The following NEGR1 variants were observed in gnomAD, a reference collection of about 807,000 sequenced individuals.
The protein encoded by NEGR1 is IgLON family member 4.
A neutral mutation model predicts 40.9 loss-of-function variants in NEGR1; 10 were observed. That is an observed-to-expected ratio of 0.24 (90% CI 0.15 to 0.42). NEGR1 has a LOEUF of 0.42. Among genes scored for constraint, NEGR1 ranks in the 10% least tolerant of loss-of-function variants. NEGR1 has a pLI of 1.00. For synonymous variants in NEGR1, 185 were observed against 166.8 expected (o/e 1.11, Z -0.84); for missense variants, 352 against 438.9 (o/e 0.80, Z 1.77).
intron 3 of NEGR1, among the ~76,000 whole-genome samples, chr1:71,709,367 A>C (rs562216535): frequency 6.5e-4 from 99 of 152,274 alleles, no homozygotes; most frequent in African/African-American, 2.4e-3. Flanking sequence ...GTATCAACTC[A>C]TTGTGTTTCT....
chr1:72,143,914 A>AT (rs1491498187), intron 1 of NEGR1, among the ~76,000 whole-genome samples: 27 of 130,606 alleles, frequency 2.1e-4, no homozygotes, highest in African/African-American at 7.4e-4. Context: ...TGATATATAT[A>AT]ATATATATAT....
intron 6 of NEGR1, among the ~76,000 whole-genome samples, chr1:71,445,424 A>C (rs1389394604): frequency 1.3e-5 from 2 of 152,082 alleles, no homozygotes; most frequent in Non-Finnish European, 1.5e-5. Flanking sequence ...ATTAAAAAAA[A>C]AAAACTCCAA....
Position 71,811,838 on chromosome 1 carries a change from C to T in NEGR1, c.410-35541G>A, listed in dbSNP as rs150366057. 6.2e-4 allele frequency among the ~76,000 whole-genome samples: 92 copies of T among 147,354 alleles called. 1 individual carries two copies. In the East Asian group the frequency reaches 0.015, roughly 24 times the overall value. On this transcript the variant is annotated intron_variant, in intron 2 of 6. Coordinates refer to ENST00000357731, the MANE Select transcript of NEGR1 (RefSeq NM_173808.3). ...GGATTCAAACCCAGGTCTTTTGACTCAATATCCAAAGTTCTATTTATTTAT... is the reference window on the plus strand; with the variant it reads ...GGATTCAAACCCAGGTCTTTTGACTTAATATCCAAAGTTCTATTTATTTAT...
intron 2 of NEGR1, among the ~76,000 whole-genome samples, chr1:71,921,761 T>C (rs1645723008): frequency 6.8e-6 from 1 of 148,088 alleles, no homozygotes; most frequent in Admixed American, 6.8e-5. Context: ...TTCATACATA[T>C]ACATACATAT....
At chr1:71,815,715 C>T (rs1658180266) in intron 2 of NEGR1, among the ~76,000 whole-genome samples, 3 of 152,070 alleles carry the variant, frequency 2.0e-5, no homozygotes, top group Admixed American at 2.0e-4. Flanking sequence ...TATTCTAAGT[C>T]CTAAGATTCT....
chr1:71,769,084 T>TA (rs397696023), intron 3 of NEGR1, among the ~76,000 whole-genome samples: 1 of 151,834 alleles, frequency 6.6e-6, no homozygotes, highest in Non-Finnish European at 1.5e-5. Context: ...TTTTTTTTTT[T>TA]ACAAATTACC....
At chr1:72,093,329 CAA>C (rs11370565) in intron 1 of NEGR1, among the ~76,000 whole-genome samples, 3 of 118,834 alleles carry the variant, frequency 2.5e-5, no homozygotes, top group Admixed American at 8.1e-5. Flanking sequence ...GACTCTGCCT[CAA>C]AAAAAAAAAA....
intron 1 of NEGR1, among the ~76,000 whole-genome samples, chr1:72,064,418 C>A (rs1647228176): frequency 6.6e-6 from 1 of 151,974 alleles, no homozygotes; most frequent in Non-Finnish European, 1.5e-5. Flanking sequence ...ATAACTGAAA[C>A]AAGATAAATT....
intron 1 of NEGR1, among the ~76,000 whole-genome samples, chr1:72,245,017 T>C (rs1276388652): frequency 6.6e-6 from 1 of 152,040 alleles, no homozygotes; most frequent in Non-Finnish European, 1.5e-5. Context: ...GTAAAGAGCA[T>C]GTATTTATAG....
chr1:71,510,610 G>A (rs149541854), intron 6 of NEGR1, among the ~76,000 whole-genome samples: 2,206 of 152,244 alleles, frequency 0.014, 20 homozygotes, highest in Non-Finnish European at 0.022. Context: ...AGAAGGGGAT[G>A]GGGTATAACC....
At chr1:71,823,847 G>A (rs1036188521) in intron 2 of NEGR1, among the ~76,000 whole-genome samples, 1 of 152,028 alleles carries the variant, frequency 6.6e-6, no homozygotes, top group Non-Finnish European at 1.5e-5. Flanking sequence ...TTGCCATCTG[G>A]GTCAAAGTCA....
intron 2 of NEGR1, among the ~76,000 whole-genome samples, chr1:71,791,913 A>C (rs940148344): frequency 6.6e-6 from 1 of 152,108 alleles, no homozygotes; most frequent in African/African-American, 2.4e-5. Flanking sequence ...GGATGAACAG[A>C]GAATTGTGAG....
intron 3 of NEGR1, among the ~76,000 whole-genome samples, chr1:71,727,896 G>A (rs967833503): frequency 6.6e-6 from 1 of 152,206 alleles, no homozygotes; most frequent in Middle Eastern, 3.4e-3. Context: ...AGTGGGGTGC[G>A]AAGCCTTGTA....
intron 3 of NEGR1, among the ~76,000 whole-genome samples, chr1:71,758,199 A>C (rs2101696103): frequency 6.6e-6 from 1 of 152,292 alleles, no homozygotes; most frequent in East Asian, 1.9e-4. Context: ...CCTTTTCAAT[A>C]GAAGTTTAAT....
intron 1 of NEGR1, among the ~76,000 whole-genome samples, chr1:72,209,456 T>C (rs1343050691): frequency 6.6e-6 from 1 of 151,688 alleles, no homozygotes; most frequent in Admixed American, 6.6e-5. Flanking sequence ...CTTGGATAAA[T>C]CTACTAAAAT....
intron 3 of NEGR1, among the ~76,000 whole-genome samples, chr1:71,729,469 T>C (rs914475064): frequency 2.6e-5 from 4 of 152,192 alleles, no homozygotes; most frequent in African/African-American, 9.6e-5. Context: ...CTCTAGAAGA[T>C]GCTTTTTTCT....
At chr1:72,034,520 C>T (rs1000016501) in intron 1 of NEGR1, among the ~76,000 whole-genome samples, 1 of 152,058 alleles carries the variant, frequency 6.6e-6, no homozygotes, top group African/African-American at 2.4e-5. Context: ...TCCACAGGAC[C>T]TTATTTTGTG....
intron 6 of NEGR1, among the ~76,000 whole-genome samples, chr1:71,452,486 T>C (rs2101330534): frequency 6.6e-6 from 1 of 152,278 alleles, no homozygotes; most frequent in South Asian, 2.1e-4. Context: ...TAGACATGCT[T>C]AGAGTGAGAA....
chr1:71,554,922 A>G (rs1648206842), intron 6 of NEGR1, among the ~76,000 whole-genome samples: 1 of 151,568 alleles, frequency 6.6e-6, no homozygotes, highest in African/African-American at 2.4e-5. Flanking sequence ...CAAGATCAGT[A>G]ACCCAGTGAA....
Sources: gnomAD v4.1 joint callset for allele counts (sites outside exome capture counted in the v4.1 genomes callset) on GRCh38, gnomAD v4.1.1 for gene constraint, MANE v1.5 for transcripts, NCBI Gene and HGNC (gene_info 2026-07-23, HGNC 2026-07-21) for gene names.